The following SLC39A9 variants were observed in gnomAD, a reference collection of about 807,000 sequenced individuals.
The protein encoded by SLC39A9 is zinc transporter ZIP9.
In SLC39A9, 14 loss-of-function variants were observed where a neutral mutation model predicts 28.4. The observed-to-expected ratio is 0.49, with a 90% CI of 0.33 to 0.77. The LOEUF (loss-of-function observed/expected upper bound fraction) is 0.77, where lower values mean the gene tolerates loss of function less well. Among genes scored for constraint, SLC39A9 ranks in the 30% least tolerant of loss-of-function variants. SLC39A9 has a pLI of 0.02. For missense variants in SLC39A9, 283 were observed against 381.1 expected (o/e 0.74, Z 2.14); for synonymous variants, 119 against 149.6 (o/e 0.80, Z 1.49).
intron 1 of SLC39A9, among the ~76,000 whole-genome samples, chr14:69,413,078 C>T (rs1030650961): frequency 1.3e-5 from 2 of 152,056 alleles, no homozygotes; most frequent in Admixed American, 6.6e-5. Flanking sequence ...AAGACTCGGC[C>T]AGGCGCAGTG....
chr14:69,435,830 G>A (rs542712194), intron 2 of SLC39A9, among the ~76,000 whole-genome samples: 1 of 151,976 alleles, frequency 6.6e-6, no homozygotes, highest in African/African-American at 2.4e-5. Flanking sequence ...GTGCCACCAC[G>A]CCTGGCTTAT....
chr14:69,415,108 A>G (rs1245463833), intron 1 of SLC39A9, among the ~76,000 whole-genome samples: 3 of 152,170 alleles, frequency 2.0e-5, no homozygotes, highest in African/African-American at 7.2e-5. Context: ...TGTAGCTTCT[A>G]TGAATATTCT....
chr14:69,437,383 A>C (rs1884819407), intron 2 of SLC39A9, among the ~76,000 whole-genome samples: 1 of 152,060 alleles, frequency 6.6e-6, no homozygotes, highest in African/African-American at 2.4e-5. Context: ...TTTTTCTAGA[A>C]GTTTTTGCTG....
intron 6 of SLC39A9, among the ~76,000 whole-genome samples, chr14:69,456,989 T>C (rs1383717884): frequency 6.6e-6 from 1 of 152,178 alleles, no homozygotes; most frequent in Non-Finnish European, 1.5e-5. Context: ...ATCACTTCAG[T>C]AATCAGTGTC....
intron 5 of SLC39A9, 36 bp from the exon 6 acceptor site, chr14:69,455,696 C>A: frequency 6.2e-7 from 1 of 1,613,140 alleles, no homozygotes; most frequent in South Asian, 1.1e-5. Context: ...ACCCATACTT[C>A]TAGAATGATA....
chr14:69,455,393 C>T (rs577127725), intron 5 of SLC39A9, among the ~76,000 whole-genome samples: 39 of 151,234 alleles, frequency 2.6e-4, no homozygotes, highest in Non-Finnish European at 4.9e-4. Context: ...ATGGTGTGAT[C>T]TCGGCTCACT....
Position 69,453,301 on chromosome 14 carries a change from A to C in SLC39A9, c.464A>C (p.His155Pro). The C allele has an allele frequency of 3.1e-6, 5 of 1,613,910 alleles. No individual in the cohort carries two copies. The highest frequency in any genetic ancestry group is 4.2e-6 in the Non-Finnish European group (5 of 1,179,818). Residue 155 changes from histidine (H) to proline (P), a missense_variant, in exon 4 of 7, where the codon CAT (histidine) becomes CCT (proline). Transcript: ENST00000336643. ...ACCACCACGCTGGGTCTGGTTGTCC[A>C]TGCTGCAGGTAGGGTTGGATTGCAG... ...KITTTLGLVV[H>P]AAADGVALGA...
chr14:69,446,021 CGTT>C (rs34229171), intron 3 of SLC39A9, among the ~76,000 whole-genome samples: 2,000 of 151,036 alleles, frequency 0.013, 44 homozygotes, highest in African/African-American at 0.044. Context: ...ATACTGAACT[CGTT>C]GTTGTTGTTG....
At chr14:69,402,633 C>G (rs1256477126) in intron 1 of SLC39A9, among the ~76,000 whole-genome samples, 2 of 152,154 alleles carry the variant, frequency 1.3e-5, no homozygotes, top group Non-Finnish European at 1.5e-5. Context: ...TGGCCTTCTT[C>G]CTTGCCCTTT....
At chr14:69,442,821 T>G (rs1056071107) in intron 3 of SLC39A9, among the ~76,000 whole-genome samples, 1 of 152,222 alleles carries the variant, frequency 6.6e-6, no homozygotes, top group African/African-American at 2.4e-5. Context: ...TTAAGAACAT[T>G]AAATTATGAG....
chr14:69,421,730 C>G (rs1883908267), intron 1 of SLC39A9, among the ~76,000 whole-genome samples: 1 of 152,224 alleles, frequency 6.6e-6, no homozygotes, highest in South Asian at 2.1e-4. Flanking sequence ...CTCCCCCAGT[C>G]AGGCTGCCTC....
At chr14:69,448,202 G>A (rs1254600260) in intron 3 of SLC39A9, among the ~76,000 whole-genome samples, 2 of 94,558 alleles carry the variant, frequency 2.1e-5, no homozygotes, top group Non-Finnish European at 3.8e-5. Context: ...GCAACAAAGT[G>A]AGACTCTGTC....
chr14:69,422,087 C>T lies in SLC39A9; in HGVS notation c.97-2007C>T, dbSNP rs143795460. Among the ~76,000 whole-genome samples, 620 of 152,292 alleles carry T rather than the reference C, an allele frequency of 4.1e-3. 6 individuals carry two copies. The highest frequency in any genetic ancestry group is 0.014 in the African/African-American group (595 of 41,552). ...TGCAGAAATCACCTGTCTTCTGCGTCGATCACACTGGGAGCTGCAGACCGG... is the reference window on the plus strand; with the variant it reads ...TGCAGAAATCACCTGTCTTCTGCGTTGATCACACTGGGAGCTGCAGACCGG... On this transcript the variant is annotated intron_variant, in intron 1 of 6. Coordinates refer to ENST00000336643, the MANE Select transcript of SLC39A9 (RefSeq NM_018375.5).
intron 3 of SLC39A9, among the ~76,000 whole-genome samples, chr14:69,450,893 G>T (rs1213400615): frequency 6.6e-6 from 1 of 152,148 alleles, no homozygotes; most frequent in East Asian, 1.9e-4. Context: ...CATTATTTTT[G>T]CTGGCTTTCG....
chr14:69,458,723 A>AG lies in SLC39A9; in HGVS notation c.*134dup. ...CTCTACATGTATTCCTAGAGTCCAG[A>AG]GGGGAGGTGAGGTTAAAACCTGAGT... is the stretch of plus-strand genomic sequence containing the variant. On this transcript the variant is annotated 3_prime_UTR_variant, in exon 7 of 7. Coordinates refer to ENST00000336643, the MANE Select transcript of SLC39A9 (RefSeq NM_018375.5). The AG allele has an allele frequency of 7.1e-7, 1 of 1,415,802 alleles. No homozygotes were observed. Among genetic ancestry groups the AG allele is most frequent in the Non-Finnish European group, 9.2e-7 (1 of 1,086,954 alleles). The allele number at this position is 1,415,802 out of a possible 1,614,324, so 87.7% of individuals were successfully genotyped here. A position where few individuals can be genotyped will look rare whatever the true frequency, so the allele number is the denominator to read the frequency against.
intron 2 of SLC39A9, among the ~76,000 whole-genome samples, chr14:69,427,881 C>G (rs2140279414): frequency 6.6e-6 from 1 of 152,254 alleles, no homozygotes; most frequent in Non-Finnish European, 1.5e-5. Flanking sequence ...TTGAAAAGAG[C>G]CCATATTGGA....
At chr14:69,406,844 C>CTTTTTT (rs1555405656) in intron 1 of SLC39A9, among the ~76,000 whole-genome samples, 1 of 99,486 alleles carries the variant, frequency 1.0e-5, no homozygotes, top group Non-Finnish European at 2.0e-5. Flanking sequence ...ACTGGAAATT[C>CTTTTTT]TTTGTTTTTT....
intron 1 of SLC39A9, among the ~76,000 whole-genome samples, chr14:69,402,814 G>A (rs1379978207): frequency 6.6e-6 from 1 of 152,176 alleles, no homozygotes; most frequent in African/African-American, 2.4e-5. Flanking sequence ...GTGCTAAGTG[G>A]CTCACGCCTG....
chr14:69,444,543 A>G (rs566827821), intron 3 of SLC39A9, among the ~76,000 whole-genome samples: 2 of 152,346 alleles, frequency 1.3e-5, no homozygotes, highest in African/African-American at 4.8e-5. Flanking sequence ...ATAGGCACTC[A>G]TATATTGGGG....
Sources: allele counts gnomAD v4.1 joint callset (sites outside exome capture counted in the v4.1 genomes callset), GRCh38; gene constraint gnomAD v4.1.1; transcripts MANE v1.5; gene names NCBI Gene and HGNC (gene_info 2026-07-23, HGNC 2026-07-21).